Variants in SMARCA4 observed in about 807,000 individuals in gnomAD.
SMARCA4 encodes SWI/SNF related BAF chromatin remodeling complex subunit ATPase 4.
Under a neutral mutation model 193.9 loss-of-function variants are expected in SMARCA4, and 31 were observed. The ratio of observed to expected loss-of-function variants is 0.16; its 90% confidence interval spans 0.12 to 0.22. The LOEUF is 0.22. Among genes scored for constraint, SMARCA4 ranks in the 10% least tolerant of loss-of-function variants. The pLI, the probability that SMARCA4 is intolerant of heterozygous loss-of-function variation, is 1.00. For missense variants in SMARCA4, 1,148 were observed against 2,296.0 expected (o/e 0.50, Z 10.22); for synonymous variants, 942 against 933.1 (o/e 1.01, Z -0.17).
chr19:11,049,474 C>G (rs1178668240), intron 30 of SMARCA4, among the ~76,000 whole-genome samples: 3 of 149,644 alleles, frequency 2.0e-5, no homozygotes, highest in African/African-American at 7.3e-5. Flanking sequence ...ACCTTCTTCC[C>G]TGGGTTCTGT....
intron 24 of SMARCA4, among the ~76,000 whole-genome samples, chr19:11,028,954 C>T (rs1300430534): frequency 6.6e-6 from 1 of 152,206 alleles, no homozygotes; most frequent in African/African-American, 2.4e-5. Context: ...GACCTCCATA[C>T]CCCTTGTCCC....
intron 15 of SMARCA4, 180 bp from the exon 16 acceptor site, chr19:11,012,769 A>G (rs2088973669): frequency 5.9e-6 from 4 of 672,920 alleles, no homozygotes; most frequent in Non-Finnish European, 1.1e-5. Flanking sequence ...GCTAAGGATG[A>G]GGCTAAGCGA....
rs1312569921 is a variant in SMARCA4 at position 10,985,250 on chromosome 19, C to T, written c.223-23C>T. On this transcript the variant is annotated intron_variant, in intron 2 of 34. Transcript: ENST00000344626. The surrounding 1 kb of genome is among the most constrained non-coding windows in gnomAD (Gnocchi z 4.5). ...CCTCACGTTCCACATGCTGACCCTG[C>T]CTTGCCATGGTCCCTCTCGCAGCCC... 6.2e-7 allele frequency: 1 copy of T among 1,613,574 alleles called. No individual in the cohort carries two copies. The highest frequency in any genetic ancestry group is 8.5e-7 in the Non-Finnish European group (1 of 1,179,830).
rs758148101 is a variant in SMARCA4 at position 11,030,917 on chromosome 19, T to A, written c.3546+24T>A. ...AGGTAAAAGCGGGCCGGGCCCCAGGTCGAGGAGAAGGAAGGGGGTGCCTGC... is the reference window on the plus strand; with the variant it reads ...AGGTAAAAGCGGGCCGGGCCCCAGGACGAGGAGAAGGAAGGGGGTGCCTGC... On this transcript the variant is annotated intron_variant, in intron 25 of 34. Coordinates refer to ENST00000344626, the MANE Select transcript of SMARCA4 (RefSeq NM_003072.5). This position sits in a 1 kb window ranked among gnomAD's most constrained non-coding sequence, Gnocchi z 5.5. 2 of 1,604,704 alleles carry A rather than the reference T, an allele frequency of 1.2e-6. No individual in the cohort carries two copies. The highest frequency in any genetic ancestry group is 1.7e-6 in the Non-Finnish European group (2 of 1,176,040).
At chr19:11,025,692 G>C in intron 22 of SMARCA4, 184 bp downstream of exon 22, 2 of 626,548 alleles carry the variant, frequency 3.2e-6, no homozygotes, top group Non-Finnish European at 5.9e-6. Flanking sequence ...CCAGCAGTTA[G>C]GGCGCAACGT....
intron 1 of SMARCA4, among the ~76,000 whole-genome samples, chr19:10,975,103 C>T (rs2085025156): frequency 6.8e-6 from 1 of 148,086 alleles, no homozygotes; most frequent in South Asian, 2.1e-4. Flanking sequence ...CTGCAACCTC[C>T]GTTTCCTGGT....
chr19:10,967,833 C>T (rs1382116439), intron 1 of SMARCA4, among the ~76,000 whole-genome samples: 3 of 150,074 alleles, frequency 2.0e-5, no homozygotes, highest in East Asian at 2.0e-4. Context: ...TACAGGCGTG[C>T]GCCACCATGC....
At chr19:11,042,446 C>G (rs1265699178) in intron 30 of SMARCA4, among the ~76,000 whole-genome samples, 2 of 152,250 alleles carry the variant, frequency 1.3e-5, no homozygotes, top group African/African-American at 4.8e-5. Context: ...CCCAGTCTTC[C>G]ACTCTCCAAG....
chr19:10,993,514 A>G (rs2086736601), intron 8 of SMARCA4, among the ~76,000 whole-genome samples: 6 of 152,158 alleles, frequency 3.9e-5, no homozygotes, highest in Admixed American at 3.9e-4. Flanking sequence ...GTAGTAATGG[A>G]ATAAGTTGGG....
chr19:11,052,785 C>T (rs896445952), intron 30 of SMARCA4, among the ~76,000 whole-genome samples: 11 of 152,294 alleles, frequency 7.2e-5, no homozygotes, highest in Middle Eastern at 3.4e-3. Flanking sequence ...CACTCAGGAC[C>T]GACTGCACCT....
At chr19:10,982,978 A>G (rs1232815841) in intron 1 of SMARCA4, among the ~76,000 whole-genome samples, 3 of 152,216 alleles carry the variant, frequency 2.0e-5, no homozygotes, top group African/African-American at 7.2e-5. Flanking sequence ...GCTATCAAAA[A>G]ACCCAGGGTG....
At chr19:11,018,590 G>A (rs1367760413) in intron 16 of SMARCA4, among the ~76,000 whole-genome samples, 1 of 152,226 alleles carries the variant, frequency 6.6e-6, no homozygotes, top group Non-Finnish European at 1.5e-5. Flanking sequence ...ACTGTTGCTA[G>A]CCTGGCTCTG....
rs2075164282 is a variant in SMARCA4 at position 11,034,801 on chromosome 19, G to A, written c.3952-113G>A. 3 of 753,714 alleles carry A rather than the reference G, an allele frequency of 4.0e-6. No individual in the cohort carries two copies. The highest frequency in any genetic ancestry group is 3.5e-4 in the Middle Eastern group (1 of 2,856). 46.7% of individuals were successfully genotyped at this position (753,714 alleles called of 1,614,324 possible). The stretch of plus-strand genomic sequence containing the variant: ...GAGCTACTGTTTAACTCTCGCAGCA[G>A]CGTGGAGCCCCACGGGCAGAGAAAG... On this transcript the variant is annotated intron_variant, in intron 28 of 34. Coordinates refer to ENST00000344626, the MANE Select transcript of SMARCA4 (RefSeq NM_003072.5). The surrounding 1 kb of genome is among the most constrained non-coding windows in gnomAD (Gnocchi z 7.0).
At chr19:10,981,005 G>C (rs942630830) in intron 1 of SMARCA4, among the ~76,000 whole-genome samples, 8 of 152,212 alleles carry the variant, frequency 5.3e-5, no homozygotes, top group African/African-American at 1.9e-4. Flanking sequence ...CCCTGCCTTG[G>C]CCTCCCAAAG....
At chr19:10,981,600 C>G (rs749793036) in intron 1 of SMARCA4, among the ~76,000 whole-genome samples, 2 of 152,216 alleles carry the variant, frequency 1.3e-5, no homozygotes, top group Non-Finnish European at 2.9e-5. Flanking sequence ...TCCTCCCCTG[C>G]TGAGTTTCCT....
At chr19:11,025,750 C>T (rs970386953) in intron 22 of SMARCA4, 8 of 507,756 alleles carry the variant, frequency 1.6e-5, no homozygotes, top group East Asian at 3.6e-5. Context: ...AGAGCAGGAG[C>T]GTTTGGAGAC....
intron 30 of SMARCA4, among the ~76,000 whole-genome samples, chr19:11,053,326 AT>A (rs1404592377): frequency 4.5e-4 from 69 of 151,966 alleles, no homozygotes; most frequent in Admixed American, 4.5e-3. Context: ...TCTACTCAAA[AT>A]ACGTAAGTTA....
chr19:11,042,167 A>G (rs1196261227), intron 30 of SMARCA4, among the ~76,000 whole-genome samples: 1 of 152,202 alleles, frequency 6.6e-6, no homozygotes, highest in Non-Finnish European at 1.5e-5. Context: ...CATGTCCTAT[A>G]TACGAGGCAG....
At chr19:10,973,373 T>C (rs1335380755) in intron 1 of SMARCA4, among the ~76,000 whole-genome samples, 1 of 151,724 alleles carries the variant, frequency 6.6e-6, no homozygotes, top group African/African-American at 2.4e-5. Context: ...TGGATGCTTT[T>C]AGGTCCCTTG....
Sources: allele counts gnomAD v4.1 joint callset (sites outside exome capture counted in the v4.1 genomes callset), GRCh38; gene constraint gnomAD v4.1.1; non-coding constraint Gnocchi (gnomAD v3.1); transcripts MANE v1.5; gene names NCBI Gene and HGNC (gene_info 2026-07-23, HGNC 2026-07-21).